PIK3C2G: variants seen among roughly 807,000 people sequenced by gnomAD.
The protein encoded by PIK3C2G is phosphatidylinositol-4-phosphate 3-kinase catalytic subunit type 2 gamma, also known as phosphatidylinositol 3-kinase C2 domain-containing subunit gamma.
PIK3C2G carries 168 observed loss-of-function variants against 181.1 expected under a neutral mutation model. That is an observed-to-expected ratio of 0.93 (90% CI 0.82 to 1.05). The LOEUF is 1.05. Ranked by LOEUF, PIK3C2G falls within the 50% of genes least tolerant of loss-of-function variation. The pLI is 0.00. For missense variants in PIK3C2G, 1,869 were observed against 1,732.8 expected (o/e 1.08, Z -1.40); for synonymous variants, 573 against 592.2 (o/e 0.97, Z 0.47).
In PIK3C2G at chr12:18,641,743, C is replaced by CTTTTTTTTTTTTTTTTT. The variant is rs11285609; in HGVS notation, c.4308+1193_4308+1209dup. ...AAAACCCTGGCTTCTCTCTCTCAAG[C>CTTTTTTTTTTTTTTTTT]TTTTTTTTTTTTTTTTTTTTGAGAT... On this transcript the variant is annotated intron_variant, in intron 32 of 32. Coordinates refer to ENST00000538779, the MANE Select transcript of PIK3C2G (RefSeq NM_001288772.2). 3.1e-4 allele frequency among the ~76,000 whole-genome samples: 29 copies of CTTTTTTTTTTTTTTTTT among 93,176 alleles called. 2 individuals carry two copies. Among genetic ancestry groups the CTTTTTTTTTTTTTTTTT allele is most frequent in the African/African-American group, 1.3e-3 (26 of 20,346 alleles). The allele number at this position is 93,176 out of a possible 152,430, so 61.1% of individuals were successfully genotyped here.
intron 18 of PIK3C2G, among the ~76,000 whole-genome samples, chr12:18,472,427 T>G (rs1401352062): frequency 6.6e-6 from 1 of 152,150 alleles, no homozygotes; most frequent in East Asian, 1.9e-4. Context: ...ACTTGTCTGC[T>G]TATTCATTTT....
At chr12:18,328,532 T>TG (rs1951448670) in intron 8 of PIK3C2G, among the ~76,000 whole-genome samples, 1 of 151,992 alleles carries the variant, frequency 6.6e-6, no homozygotes, top group African/African-American at 2.4e-5. Context: ...TTAAGCCTAA[T>TG]GGTAGTCTAA....
intron 18 of PIK3C2G, among the ~76,000 whole-genome samples, chr12:18,460,333 G>C (rs1385576185): frequency 1.3e-5 from 2 of 152,056 alleles, no homozygotes; most frequent in East Asian, 3.9e-4. Context: ...CAGTACTTTG[G>C]AAGGCCAAGG....
chr12:18,700,031 T>A, the PIK3C2G span: 1 of 1,115,090 alleles, frequency 9.0e-7, no homozygotes, highest in African/African-American at 1.6e-5. Context: ...AAAATACACT[T>A]TCAAACAAAT....
At chr12:18,631,217 G>C (rs530964664) in intron 31 of PIK3C2G, among the ~76,000 whole-genome samples, 5 of 152,234 alleles carry the variant, frequency 3.3e-5, no homozygotes, top group African/African-American at 9.6e-5. Context: ...AACAACATTG[G>C]GGGGAAGAGA....
rs182091401 is a variant in PIK3C2G at position 18,644,268 on chromosome 12, C to T, written c.4309-3608C>T. On this transcript the variant is annotated intron_variant, in intron 32 of 32. Transcript: ENST00000538779. ...GGGTCTGGGGCTGGGGGTGTGAGTG[C>T]TCAGGGAACTGCCATACAGCTTGAA... Among the ~76,000 whole-genome samples the T allele has an allele frequency of 1.0e-3, 155 of 152,198 alleles. 1 individual carries two copies. The highest frequency in any genetic ancestry group is 3.9e-3 in the South Asian group (19 of 4,814).
chr12:18,483,750 A>G (rs1480506882), intron 18 of PIK3C2G, among the ~76,000 whole-genome samples: 1 of 152,166 alleles, frequency 6.6e-6, no homozygotes, highest in Non-Finnish European at 1.5e-5. Context: ...TGGAAAAAGA[A>G]AAGAAAAACA....
chr12:18,575,485 T>G (rs1946189278), intron 29 of PIK3C2G, among the ~76,000 whole-genome samples: 1 of 152,176 alleles, frequency 6.6e-6, no homozygotes, highest in Admixed American at 6.5e-5. Context: ...ACTCAAGTAT[T>G]CTATTATATT....
intron 29 of PIK3C2G, among the ~76,000 whole-genome samples, chr12:18,583,770 A>G (rs1026723787): frequency 8.4e-5 from 12 of 142,742 alleles, no homozygotes; most frequent in African/African-American, 2.8e-4. Flanking sequence ...ATTCAAAGAT[A>G]AGAAAAAAAA....
chr12:18,667,841 C>A, the PIK3C2G span, among the ~76,000 whole-genome samples: 3 of 152,162 alleles, frequency 2.0e-5, no homozygotes, highest in Non-Finnish European at 4.4e-5. Flanking sequence ...ATTTCCACCA[C>A]ATTGCTCTGC....
At chr12:18,724,937 C>G in the PIK3C2G span, among the ~76,000 whole-genome samples, 1 of 152,028 alleles carries the variant, frequency 6.6e-6, no homozygotes, top group Non-Finnish European at 1.5e-5. Flanking sequence ...TACTTTCAAA[C>G]AGAGTATAAG....
intron 1 of PIK3C2G, among the ~76,000 whole-genome samples, chr12:18,277,168 A>G (rs925731810): frequency 3.9e-5 from 6 of 152,184 alleles, no homozygotes; most frequent in African/African-American, 1.2e-4. Context: ...CTATCTACCT[A>G]TCTGTCTATC....
chr12:18,568,042 C>T (rs1232744495), intron 29 of PIK3C2G, among the ~76,000 whole-genome samples: 1 of 152,140 alleles, frequency 6.6e-6, no homozygotes, highest in Non-Finnish European at 1.5e-5. Context: ...CCTCCTGCCT[C>T]CCTCTCAGAA....
At chr12:18,585,820 C>A (rs1175169328) in intron 29 of PIK3C2G, among the ~76,000 whole-genome samples, 1 of 152,100 alleles carries the variant, frequency 6.6e-6, no homozygotes, top group Non-Finnish European at 1.5e-5. Flanking sequence ...TCAGCAAATT[C>A]AAAATAACCA....
At chr12:18,491,603 T>C (rs540081004) in intron 20 of PIK3C2G, 45 bp downstream of exon 20, 4 of 1,102,316 alleles carry the variant, frequency 3.6e-6, no homozygotes, top group African/African-American at 3.1e-5. Context: ...TTCTGTTTTG[T>C]ATAGTTTAGT....
intron 18 of PIK3C2G, among the ~76,000 whole-genome samples, chr12:18,478,954 AAC>A (rs199728422): frequency 1.3e-5 from 2 of 150,100 alleles, no homozygotes; most frequent in East Asian, 3.9e-4. Context: ...CAGTCTGGGT[AAC>A]AGAGTGAGAT....
At chr12:18,720,639 G>A in the PIK3C2G span, among the ~76,000 whole-genome samples, 1 of 151,840 alleles carries the variant, frequency 6.6e-6, no homozygotes, top group African/African-American at 2.4e-5. Flanking sequence ...TATTACTGTT[G>A]ATAGTTCATT....
At chr12:18,703,729 T>C in the PIK3C2G span, among the ~76,000 whole-genome samples, 190 of 152,312 alleles carry the variant, frequency 1.2e-3, no homozygotes, top group Admixed American at 2.2e-3. Context: ...AAAACAATTT[T>C]CACTTTTTCC....
intron 18 of PIK3C2G, among the ~76,000 whole-genome samples, chr12:18,456,311 T>C (rs1439497587): frequency 2.6e-5 from 4 of 151,722 alleles, no homozygotes; most frequent in Admixed American, 2.0e-4. Context: ...GTTTAATAGG[T>C]GAGAGAAAAG....
Sources: gnomAD v4.1 joint callset for allele counts (sites outside exome capture counted in the v4.1 genomes callset) on GRCh38, gnomAD v4.1.1 for gene constraint, MANE v1.5 for transcripts, NCBI Gene and HGNC (gene_info 2026-07-23, HGNC 2026-07-21) for gene names.